FHIT: variants seen among roughly 807,000 people sequenced by gnomAD.
The protein encoded by FHIT is bis(5'-adenosyl)-triphosphatase.
A neutral mutation model predicts 17.9 loss-of-function variants in FHIT; 19 were observed. The observed-to-expected ratio is 1.06, with a 90% CI of 0.74 to 1.56. FHIT has a LOEUF of 1.56. FHIT is among the 40% of genes most tolerant of loss of function. The pLI is 0.00. For synonymous variants in FHIT, 81 were observed against 69.7 expected (o/e 1.16, Z -0.81); for missense variants, 248 against 189.2 (o/e 1.31, Z -1.82).
chr3:60,404,667 A>G (rs1701786217), intron 5 of FHIT, among the ~76,000 whole-genome samples: 1 of 152,190 alleles, frequency 6.6e-6, no homozygotes, highest in Non-Finnish European at 1.5e-5. Context: ...TGTCTTTTGA[A>G]TTCCCAGCCC....
intron 5 of FHIT, among the ~76,000 whole-genome samples, chr3:60,354,398 C>T (rs1197818243): frequency 1.3e-5 from 2 of 152,018 alleles, no homozygotes; most frequent in Non-Finnish European, 2.9e-5. Flanking sequence ...GGCATACATT[C>T]CTATACCCTG....
chr3:60,018,606 G>C (rs1319965407), intron 5 of FHIT, among the ~76,000 whole-genome samples: 2 of 152,150 alleles, frequency 1.3e-5, no homozygotes, highest in Non-Finnish European at 2.9e-5. Flanking sequence ...CTAGAGTCAG[G>C]AGAGCCACTG....
intron 5 of FHIT, among the ~76,000 whole-genome samples, chr3:60,421,889 G>A (rs1457120531): frequency 6.6e-6 from 1 of 152,128 alleles, no homozygotes; most frequent in African/African-American, 2.4e-5. Context: ...AACGGAAGCA[G>A]AGAGACTTGT....
chr3:61,085,619 G>T (rs890961408), intron 2 of FHIT, among the ~76,000 whole-genome samples: 6 of 152,068 alleles, frequency 3.9e-5, no homozygotes, highest in East Asian at 1.9e-4. Context: ...GTTTTAAAAT[G>T]TTATGAAGTT....
intron 4 of FHIT, among the ~76,000 whole-genome samples, chr3:60,574,748 A>G (rs1410109986): frequency 5.3e-5 from 8 of 152,002 alleles, no homozygotes; most frequent in Admixed American, 5.2e-4. Flanking sequence ...GTCGACTCAT[A>G]TTTATAGAGT....
At chr3:60,125,835 A>C (rs1464395854) in intron 5 of FHIT, among the ~76,000 whole-genome samples, 1 of 152,136 alleles carries the variant, frequency 6.6e-6, no homozygotes, top group African/African-American at 2.4e-5. Flanking sequence ...CTAAAAAAAC[A>C]ATGCTTTGAA....
chr3:61,118,366 G>A (rs1348904888), intron 2 of FHIT, among the ~76,000 whole-genome samples: 1 of 151,546 alleles, frequency 6.6e-6, no homozygotes, highest in Non-Finnish European at 1.5e-5. Context: ...GATGTGAGCA[G>A]AGCAAGAAGG....
rs1705261038 is a variant in FHIT at position 60,121,709 on chromosome 3, A to AACAAAACAAAAAC, written c.104-107558_104-107557insGTTTTTGTTTTGT. On this transcript the variant is annotated intron_variant, in intron 5 of 9. Coordinates refer to ENST00000492590, the MANE Select transcript of FHIT (RefSeq NM_002012.4). ...AAAAAACAAACAAACAAACAAAACAAACACACACACACACACACACACACA... is the reference window on the plus strand; with the variant it reads ...AAAAAACAAACAAACAAACAAAACAAACAAAACAAAAACACACACACACACACACACACACACA... 1.9e-3 allele frequency among the ~76,000 whole-genome samples: 216 copies of AACAAAACAAAAAC among 116,412 alleles called. 1 individual carries two copies. The highest frequency in any genetic ancestry group is 6.8e-3 in the African/African-American group (202 of 29,784). 76.4% of individuals were successfully genotyped at this position (116,412 alleles called of 152,430 possible).
chr3:61,078,329 CAG>C (rs1258920478), intron 2 of FHIT, among the ~76,000 whole-genome samples: 1 of 152,088 alleles, frequency 6.6e-6, no homozygotes, highest in East Asian at 1.9e-4. Context: ...CAGGAAGTCT[CAG>C]GGGGATAAAC....
chr3:61,235,973 T>C (rs1011528203), intron 1 of FHIT, among the ~76,000 whole-genome samples: 1 of 151,870 alleles, frequency 6.6e-6, no homozygotes, highest in Non-Finnish European at 1.5e-5. Flanking sequence ...GTGCTTAATA[T>C]GTACCAGAAA....
At chr3:60,254,496 T>G (rs1559764717) in intron 5 of FHIT, among the ~76,000 whole-genome samples, 1 of 152,074 alleles carries the variant, frequency 6.6e-6, no homozygotes, top group Non-Finnish European at 1.5e-5. Flanking sequence ...ACCTAGAGTA[T>G]TAGCAAAAAA....
intron 4 of FHIT, among the ~76,000 whole-genome samples, chr3:60,699,585 T>A (rs2041191610): frequency 6.7e-6 from 1 of 150,360 alleles, no homozygotes; most frequent in Non-Finnish European, 1.5e-5. Context: ...TTCTATAAGA[T>A]AAAAGCATTA....
intron 2 of FHIT, among the ~76,000 whole-genome samples, chr3:61,185,682 T>C (rs565890543): frequency 2.8e-4 from 42 of 152,246 alleles, no homozygotes; most frequent in Middle Eastern, 3.4e-3. Context: ...CACAATATAA[T>C]GTTGAATGGA....
At chr3:60,860,818 AT>A in intron 3 of FHIT, among the ~76,000 whole-genome samples, 1 of 3,828 alleles carries the variant, frequency 2.6e-4, no homozygotes, top group Non-Finnish European at 6.3e-3. Context: ...TATATCAGGT[AT>A]ATATGATACA....
chr3:60,861,471 C>T (rs995077683), intron 3 of FHIT, among the ~76,000 whole-genome samples: 1 of 150,908 alleles, frequency 6.6e-6, no homozygotes, highest in Admixed American at 6.6e-5. Context: ...CCAGTAGTAA[C>T]CTCTCCAGTA....
chr3:60,447,978 T>C (rs546734328), intron 5 of FHIT, among the ~76,000 whole-genome samples: 14 of 152,212 alleles, frequency 9.2e-5, no homozygotes, highest in Non-Finnish European at 1.8e-4. Flanking sequence ...ATTCTCACCA[T>C]GAAATGATTT....
intron 4 of FHIT, among the ~76,000 whole-genome samples, chr3:60,539,437 T>G (rs936661877): frequency 2.0e-5 from 3 of 152,182 alleles, no homozygotes; most frequent in Non-Finnish European, 4.4e-5. Context: ...GCCATCCCAT[T>G]ACTGGGTATA....
intron 5 of FHIT, among the ~76,000 whole-genome samples, chr3:60,391,474 T>A (rs1308449120): frequency 1.3e-5 from 2 of 152,164 alleles, no homozygotes; most frequent in Non-Finnish European, 2.9e-5. Flanking sequence ...GCCCTTCACA[T>A]GCACTCATCA....
intron 3 of FHIT, among the ~76,000 whole-genome samples, chr3:60,861,179 T>TATATATC (rs1703812767): frequency 4.7e-5 from 1 of 21,144 alleles, no homozygotes; most frequent in Non-Finnish European, 9.9e-5. Flanking sequence ...TGTTCTATGA[T>TATATATC]ATATATGATA....
Sources: allele counts gnomAD v4.1 joint callset (sites outside exome capture counted in the v4.1 genomes callset), GRCh38; gene constraint gnomAD v4.1.1; transcripts MANE v1.5; gene names NCBI Gene and HGNC (gene_info 2026-07-23, HGNC 2026-07-21).